Variants in EXT1 observed in about 807,000 individuals in gnomAD.
The protein encoded by EXT1 is exostosin glycosyltransferase 1, also known as exostosin-1.
Under a neutral mutation model 82.5 loss-of-function variants are expected in EXT1, and 20 were observed. The observed-to-expected ratio is 0.24, with a 90% CI of 0.17 to 0.35. EXT1 has a LOEUF of 0.35. Ranked by LOEUF, EXT1 falls within the 10% of genes least tolerant of loss-of-function variation. The probability of loss-of-function intolerance (pLI) is 1.00; values close to 1 mark genes in which losing one functional copy is unlikely to be tolerated. For missense variants in EXT1, 757 were observed against 936.5 expected (o/e 0.81, Z 2.50); for synonymous variants, 348 against 350.8 (o/e 0.99, Z 0.09).
chr8:118,010,781 C>G (rs539499609), intron 1 of EXT1, among the ~76,000 whole-genome samples: 1 of 152,318 alleles, frequency 6.6e-6, no homozygotes, highest in Non-Finnish European at 1.5e-5. Context: ...TTTAAGGACT[C>G]TCTTGGCTCA....
At chr8:117,980,695 G>GT (rs1563619758) in intron 1 of EXT1, among the ~76,000 whole-genome samples, 5 of 40,846 alleles carry the variant, frequency 1.2e-4, no homozygotes, top group Admixed American at 4.6e-4. Context: ...TCGGGTGTTG[G>GT]TGGTTTTTTT....
At chr8:117,931,493 G>A (rs1007292502) in intron 1 of EXT1, among the ~76,000 whole-genome samples, 2 of 151,726 alleles carry the variant, frequency 1.3e-5, no homozygotes, top group Non-Finnish European at 2.9e-5. Context: ...AGGGAGGGAA[G>A]GAGGAAGAGA....
chr8:118,050,434 C>T (rs530839518), intron 1 of EXT1, among the ~76,000 whole-genome samples: 4 of 152,284 alleles, frequency 2.6e-5, no homozygotes, highest in Admixed American at 2.0e-4. Flanking sequence ...CTCTGTACTG[C>T]CTGATTCTAA....
chr8:117,818,414 T>TA (rs1171674734), intron 7 of EXT1, 21 bp downstream of exon 7: 1 of 1,608,444 alleles, frequency 6.2e-7, no homozygotes, highest in East Asian at 2.2e-5. Context: ...GTTCCACATA[T>TA]AGGTCCCCTT....
chr8:117,873,292 C>T (rs371863618), intron 1 of EXT1, among the ~76,000 whole-genome samples: 51 of 152,056 alleles, frequency 3.4e-4, no homozygotes, highest in African/African-American at 1.0e-3. Context: ...ACAGTTAAAA[C>T]GTGGATTGGT....
intron 1 of EXT1, among the ~76,000 whole-genome samples, chr8:117,843,849 C>A (rs886085010): frequency 2.0e-5 from 3 of 152,178 alleles, no homozygotes; most frequent in African/African-American, 4.8e-5. Context: ...CATTCTAAAT[C>A]CCATTTTCTT....
At chr8:117,984,864 T>C (rs1448673692) in intron 1 of EXT1, among the ~76,000 whole-genome samples, 2 of 152,106 alleles carry the variant, frequency 1.3e-5, no homozygotes, top group African/African-American at 2.4e-5. Context: ...ATTAACAGTT[T>C]CCACCACCTC....
intron 6 of EXT1, among the ~76,000 whole-genome samples, chr8:117,819,223 C>T (rs1811879790): frequency 6.6e-6 from 1 of 152,170 alleles, no homozygotes; most frequent in African/African-American, 2.4e-5. Flanking sequence ...ATCGTCTGCT[C>T]CCAATTTTAT....
intron 1 of EXT1, among the ~76,000 whole-genome samples, chr8:118,046,699 G>C (rs544834131): frequency 6.6e-6 from 1 of 152,308 alleles, no homozygotes; most frequent in Admixed American, 6.5e-5. Flanking sequence ...AACTCCTGGA[G>C]GGTAGTGGTC....
intron 1 of EXT1, among the ~76,000 whole-genome samples, chr8:118,016,497 T>C (rs967299344): frequency 1.3e-5 from 2 of 152,222 alleles, no homozygotes; most frequent in African/African-American, 4.8e-5. Context: ...CATGGGATCC[T>C]GACGTAGGAA....
intron 1 of EXT1, among the ~76,000 whole-genome samples, chr8:118,032,738 G>A (rs992880024): frequency 1.3e-5 from 2 of 151,898 alleles, no homozygotes; most frequent in African/African-American, 4.8e-5. Flanking sequence ...TCGAACTCCC[G>A]ACCTCAGGTG....
At chr8:117,886,228 G>C (rs1207836783) in intron 1 of EXT1, among the ~76,000 whole-genome samples, 2 of 152,086 alleles carry the variant, frequency 1.3e-5, no homozygotes, top group African/African-American at 4.8e-5. Flanking sequence ...TTGTTTGTTT[G>C]TTTTGTTTTT....
chr8:117,835,870 A>G (rs1812181173), intron 2 of EXT1, among the ~76,000 whole-genome samples: 1 of 152,212 alleles, frequency 6.6e-6, no homozygotes, highest in East Asian at 1.9e-4. Context: ...TGACGTAACA[A>G]AAGCTCGCAC....
At position 117,977,524 on chromosome 8, in the gene EXT1, T is replaced by G. The variant is rs545073459; in HGVS notation, c.962+132561A>C. Among the ~76,000 whole-genome samples the G allele has an allele frequency of 1.7e-3, 265 of 152,180 alleles. 6 individuals carry two copies. The highest frequency in any genetic ancestry group is 5.0e-4 in the Non-Finnish European group (34 of 68,022). ...GTGAAATGAAGTTAGAATGAGTTAA[T>G]GATTTTAGAGGTAAAGATGATGTGG... On this transcript the variant is annotated intron_variant, in intron 1 of 10. Transcript: ENST00000378204.
At chr8:117,955,889 C>T (rs1482785509) in intron 1 of EXT1, among the ~76,000 whole-genome samples, 1 of 152,092 alleles carries the variant, frequency 6.6e-6, no homozygotes, top group Non-Finnish European at 1.5e-5. Context: ...TCACATTTAC[C>T]AAGAGTGTAC....
intron 1 of EXT1, among the ~76,000 whole-genome samples, chr8:117,881,221 C>T (rs1329030494): frequency 6.6e-6 from 1 of 151,868 alleles, no homozygotes; most frequent in Non-Finnish European, 1.5e-5. Flanking sequence ...GCTGCTACTA[C>T]AGAAAAAGAA....
At position 118,049,652 on chromosome 8, in the gene EXT1, G is replaced by A. The variant is rs146721254; in HGVS notation, c.962+60433C>T. ...ATGTGTAACTTAAGTCAGAAAGAAG[G>A]GAGTTCTCTGTTTGCTGTTCTTGCT... On this transcript the variant is annotated intron_variant, in intron 1 of 10. Transcript: ENST00000378204. 3.9e-5 allele frequency among the ~76,000 whole-genome samples: 6 copies of A among 152,264 alleles called. No homozygotes were observed. The East Asian group carries it at 9.6e-4, about 24-fold the overall frequency.
intron 1 of EXT1, among the ~76,000 whole-genome samples, chr8:118,073,498 G>A (rs1817135386): frequency 6.6e-6 from 1 of 152,212 alleles, no homozygotes. Flanking sequence ...GCACGTGCCT[G>A]TAATCCCAGG....
intron 7 of EXT1, among the ~76,000 whole-genome samples, chr8:117,813,343 T>TAGA (rs5894396): frequency 0.67 from 101,522 of 151,450 alleles, 34,169 homozygotes; most frequent in Admixed American, 0.73. Context: ...GAAGGCCTCA[T>TAGA]AGAAGTGACA....
Sources: gnomAD v4.1 joint callset for allele counts (sites outside exome capture counted in the v4.1 genomes callset) on GRCh38, gnomAD v4.1.1 for gene constraint, MANE v1.5 for transcripts, NCBI Gene and HGNC (gene_info 2026-07-23, HGNC 2026-07-21) for gene names.